GRID2: variants seen among roughly 807,000 people sequenced by gnomAD.
GRID2 encodes the protein glutamate ionotropic receptor delta type subunit 2.
GRID2 carries 33 observed loss-of-function variants against 114.8 expected under a neutral mutation model. That is an observed-to-expected ratio of 0.29 (90% CI 0.22 to 0.38). The LOEUF (loss-of-function observed/expected upper bound fraction) is 0.38. Among genes scored for constraint, GRID2 ranks in the 10% least tolerant of loss-of-function variants. The pLI, the probability that GRID2 is intolerant of heterozygous loss-of-function variation, is 1.00. For synonymous variants in GRID2, 505 were observed against 449.9 expected, an observed-to-expected ratio of 1.12 and a Z score of -1.55; for missense variants, 1,184 against 1,257.7, an observed-to-expected ratio of 0.94 and a Z score of 0.89.
chr4:93,363,134 C>A (rs1762028909), intron 8 of GRID2, among the ~76,000 whole-genome samples: 1 of 152,060 alleles, frequency 6.6e-6, no homozygotes, highest in Non-Finnish European at 1.5e-5. Flanking sequence ...GCAGAAGAAT[C>A]ACTTGATAGG....
At chr4:92,993,261 C>A (rs568876118) in intron 2 of GRID2, among the ~76,000 whole-genome samples, 1 of 149,172 alleles carries the variant, frequency 6.7e-6, no homozygotes, top group East Asian at 2.0e-4. Context: ...AAAAACAAAG[C>A]ATTGTAAGTA....
At chr4:92,585,342 T>C (rs1382428553) in intron 1 of GRID2, among the ~76,000 whole-genome samples, 2 of 152,036 alleles carry the variant, frequency 1.3e-5, no homozygotes, top group Non-Finnish European at 2.9e-5. Flanking sequence ...TTACCTACCA[T>C]ATATAATTTA....
At chr4:93,075,033 T>C (rs1164670707) in intron 2 of GRID2, among the ~76,000 whole-genome samples, 1 of 152,162 alleles carries the variant, frequency 6.6e-6, no homozygotes, top group Non-Finnish European at 1.5e-5. Context: ...TCTACCAGAC[T>C]TTTCAGGAAA....
intron 2 of GRID2, among the ~76,000 whole-genome samples, chr4:92,860,623 C>T (rs557267221): frequency 1.3e-5 from 2 of 152,158 alleles, no homozygotes; most frequent in Admixed American, 1.3e-4. Flanking sequence ...CTGAAAATTG[C>T]AGTTGAAGAC....
intron 2 of GRID2, among the ~76,000 whole-genome samples, chr4:92,965,571 T>C (rs1244424427): frequency 7.3e-5 from 11 of 150,532 alleles, no homozygotes; most frequent in African/African-American, 2.7e-4. Flanking sequence ...TCCAAAATTT[T>C]GAGAGTAGAT....
rs1025667246 is a variant in GRID2 at position 93,121,153 on chromosome 4, CA to C, written c.735+10201del. On this transcript the variant is annotated intron_variant, in intron 4 of 15. Coordinates refer to ENST00000282020, the MANE Select transcript of GRID2 (RefSeq NM_001510.4). ...TGCTGTGATAGTTATTTAAATGACACATTTTTTTCTAAAATAAATTATTTGG... is the reference window on the plus strand; with the variant it reads ...TGCTGTGATAGTTATTTAAATGACACTTTTTTTCTAAAATAAATTATTTGG... Among the ~76,000 whole-genome samples the C allele has an allele frequency of 3.9e-5, 6 of 152,152 alleles. No homozygotes were observed. The East Asian group carries it at 1.2e-3, about 29-fold the overall frequency.
chr4:92,592,176 T>A (rs1480629106), intron 2 of GRID2, among the ~76,000 whole-genome samples: 2 of 152,126 alleles, frequency 1.3e-5, no homozygotes, highest in South Asian at 2.1e-4. Context: ...ATTATTTTTC[T>A]TTCTTAACTC....
chr4:93,057,723 G>A (rs192538418), intron 2 of GRID2, among the ~76,000 whole-genome samples: 2 of 151,842 alleles, frequency 1.3e-5, no homozygotes, highest in African/African-American at 4.8e-5. Flanking sequence ...AGTGGGAAAC[G>A]GGCAAGGGAA....
chr4:92,415,880 C>CT (rs1731590272), intron 1 of GRID2, among the ~76,000 whole-genome samples: 1 of 149,876 alleles, frequency 6.7e-6, no homozygotes, highest in East Asian at 2.0e-4. Context: ...GTGCAAGTGT[C>CT]TTTTTCATAT....
At position 93,772,354 on chromosome 4, in the gene GRID2, C is replaced by A; in HGVS notation, c.2880C>A (p.His960Gln). The A allele has an allele frequency of 6.2e-7, 1 of 1,614,112 alleles. No homozygotes were observed. The highest frequency in any genetic ancestry group is 8.5e-7 in the Non-Finnish European group (1 of 1,180,014). ...TCACTTTTGGCAACGTGCCTGAGCA[C>A]CGAACTGGCCCTTTTAGGCACAGGG... ...SGFTFGNVPEHRTGPFRHRAP... is the reference protein window; with the variant it reads ...SGFTFGNVPEQRTGPFRHRAP... Residue 960 changes from histidine (H) to glutamine (Q), a missense_variant, in exon 16 of 16, where the codon CAC becomes CAA. His to Gln is a conservative substitution (Grantham distance 24, BLOSUM62 0). Transcript: ENST00000282020.
intron 13 of GRID2, among the ~76,000 whole-genome samples, chr4:93,526,536 G>T (rs756417587): frequency 6.6e-6 from 1 of 152,172 alleles, no homozygotes; most frequent in Non-Finnish European, 1.5e-5. Context: ...CAGGCCGGGC[G>T]CTGTGGCTCA....
At chr4:93,661,846 T>C (rs1723525644) in intron 14 of GRID2, among the ~76,000 whole-genome samples, 1 of 152,154 alleles carries the variant, frequency 6.6e-6, no homozygotes, top group Non-Finnish European at 1.5e-5. Flanking sequence ...GAGTGGTTCT[T>C]ATTATATAAA....
chr4:92,712,187 T>TA (rs1051607814), intron 2 of GRID2, among the ~76,000 whole-genome samples: 8 of 152,244 alleles, frequency 5.3e-5, no homozygotes, highest in South Asian at 2.1e-4. Context: ...TTAAATATGC[T>TA]AAAAAAATGA....
intron 8 of GRID2, among the ~76,000 whole-genome samples, chr4:93,270,323 G>A (rs945651179): frequency 2.0e-5 from 3 of 151,378 alleles, no homozygotes; most frequent in Non-Finnish European, 4.4e-5. Flanking sequence ...TTAAGTTGTA[G>A]CAATAAGATG....
intron 8 of GRID2, among the ~76,000 whole-genome samples, chr4:93,386,349 T>G (rs78139080): frequency 0.037 from 5,692 of 152,156 alleles, 166 homozygotes; most frequent in Middle Eastern, 0.078. Context: ...TCTGACAGGA[T>G]TATAGCAAAA....
intron 8 of GRID2, among the ~76,000 whole-genome samples, chr4:93,251,543 G>A (rs946875487): frequency 3.3e-5 from 5 of 152,152 alleles, no homozygotes; most frequent in African/African-American, 1.2e-4. Flanking sequence ...TGTGCAGGGT[G>A]TGCAGATTTG....
intron 1 of GRID2, among the ~76,000 whole-genome samples, chr4:92,414,343 C>T (rs917818355): frequency 2.0e-5 from 3 of 152,126 alleles, no homozygotes; most frequent in Non-Finnish European, 2.9e-5. Flanking sequence ...CACAAATCTG[C>T]AAAACTTTCG....
At chr4:93,557,352 A>G (rs1439609220) in intron 13 of GRID2, among the ~76,000 whole-genome samples, 1 of 152,048 alleles carries the variant, frequency 6.6e-6, no homozygotes, top group African/African-American at 2.4e-5. Flanking sequence ...CCCGTCTCCC[A>G]TGCAGACACA....
chr4:92,742,127 C>CA (rs1385809906), intron 2 of GRID2, among the ~76,000 whole-genome samples: 4 of 151,936 alleles, frequency 2.6e-5, no homozygotes, highest in Non-Finnish European at 4.4e-5. Context: ...AATATCTTTT[C>CA]AAAACATTGA....
Sources: gnomAD v4.1 joint callset for allele counts (sites outside exome capture counted in the v4.1 genomes callset) on GRCh38, gnomAD v4.1.1 for gene constraint, MANE v1.5 for transcripts, NCBI Gene and HGNC (gene_info 2026-07-23, HGNC 2026-07-21) for gene names.